Variants in ENPP6 observed in about 807,000 individuals in gnomAD.
ENPP6 encodes glycerophosphocholine cholinephosphodiesterase ENPP6.
ENPP6 carries 32 observed loss-of-function variants against 42.0 expected under a neutral mutation model. The ratio of observed to expected loss-of-function variants is 0.76; its 90% CI spans 0.58 to 1.02. ENPP6 has a LOEUF of 1.02. Among genes scored for constraint, ENPP6 ranks in the 50% least tolerant of loss-of-function variants. The pLI, the probability that ENPP6 is intolerant of heterozygous loss-of-function variation, is 0.00. For missense variants in ENPP6, 552 were observed against 566.8 expected (o/e 0.97, Z 0.27); for synonymous variants, 213 against 216.0 (o/e 0.99, Z 0.12).
At chr4:184,134,499 G>A (rs948904699) in intron 2 of ENPP6, among the ~76,000 whole-genome samples, 5 of 151,964 alleles carry the variant, frequency 3.3e-5, no homozygotes, top group African/African-American at 1.2e-4. Flanking sequence ...TGTTTCATGT[G>A]TGCTTTCAAA....
Position 184,153,723 on chromosome 4 carries a change from A to T in ENPP6, c.252T>A (p.Cys84Ter). The T allele has an allele frequency of 2.5e-6, 4 of 1,613,964 alleles. No individual in the cohort carries two copies. The highest frequency in any genetic ancestry group is 3.4e-6 in the Non-Finnish European group (4 of 1,179,928). The change falls in exon 2 of 8, where the codon TGT (cysteine) becomes TGA (stop). Residue 84 changes from cysteine to a stop codon, truncating the protein, a stop_gained. Coordinates refer to ENST00000296741, the MANE Select transcript of ENPP6 (RefSeq NM_153343.4). LOFTEE classifies it high-confidence loss of function. ...NYYTLMTGRH[C>*]EVHQMIGNYM... ...AGTTCCCGATCATCTGATGGACTTC[A>T]CAATGGCGGCCTATGTCAATGAGAA...
intron 2 of ENPP6, among the ~76,000 whole-genome samples, chr4:184,130,594 TAAA>T (rs1736587743): frequency 6.8e-6 from 1 of 148,126 alleles, no homozygotes; most frequent in African/African-American, 2.5e-5. Flanking sequence ...GCTTGGGTTT[TAAA>T]AATGACATTG....
rs116381461 is a variant in ENPP6 at position 184,130,121 on chromosome 4, T to C, written c.422-5849A>G. Among the ~76,000 whole-genome samples the C allele has an allele frequency of 8.7e-3, 1,324 of 152,292 alleles. 23 individuals carry two copies. Among genetic ancestry groups the C allele is most frequent in the African/African-American group, 0.03 (1,263 of 41,544 alleles). On this transcript the variant is annotated intron_variant, in intron 2 of 7. Transcript: ENST00000296741. ...TTGCTTCCTCATGAAAGACAAGGTGTGCTGCTGGCCAAGCTACTCTCTTCT... is the reference window on the plus strand; with the variant it reads ...TTGCTTCCTCATGAAAGACAAGGTGCGCTGCTGGCCAAGCTACTCTCTTCT...
chr4:184,151,042 C>G (rs779185748), intron 2 of ENPP6, among the ~76,000 whole-genome samples: 1 of 152,132 alleles, frequency 6.6e-6, no homozygotes, highest in Non-Finnish European at 1.5e-5. Flanking sequence ...TTGTATTCTC[C>G]AAGAGGAGCT....
rs1299278686 is a variant in ENPP6 at position 184,153,695 on chromosome 4, T to C, written c.280A>G (p.Met94Val). The C allele has an allele frequency of 6.8e-6, 11 of 1,614,082 alleles. No homozygotes were observed. The highest frequency in any genetic ancestry group is 9.3e-6 in the Non-Finnish European group (11 of 1,180,034). Residue 94 changes from methionine to valine, a missense_variant, in exon 2 of 8, where the codon ATG becomes GTG. Physicochemically the swap from Met to Val is conservative, Grantham distance 21. Around this residue, in one of 2 missense-constraint regions of ENPP6, gnomAD observed 545 missense variants for 546.3 expected, o/e 1.00. Transcript: ENST00000296741. ...CEVHQMIGNY[M>V]WDPTTNKSFD... Reference sequence around the variant, plus strand: ...GACTTGTTGGTGGTGGGGTCCCACATGTAGTTCCCGATCATCTGATGGACT... The same window carrying C: ...GACTTGTTGGTGGTGGGGTCCCACACGTAGTTCCCGATCATCTGATGGACT...
intron 2 of ENPP6, among the ~76,000 whole-genome samples, chr4:184,129,198 T>A (rs1736553578): frequency 6.6e-6 from 1 of 152,078 alleles, no homozygotes; most frequent in South Asian, 2.1e-4. Flanking sequence ...TCAGGAGGCA[T>A]GTAAGCGTTC....
chr4:184,100,327 C>A (rs1735976684), intron 6 of ENPP6, among the ~76,000 whole-genome samples: 1 of 152,204 alleles, frequency 6.6e-6, no homozygotes, highest in Non-Finnish European at 1.5e-5. Context: ...TTCTCAAGGG[C>A]ATACAGCTGA....
chr4:184,158,259 T>G (rs1394733898), intron 1 of ENPP6, among the ~76,000 whole-genome samples: 1 of 152,238 alleles, frequency 6.6e-6, no homozygotes, highest in East Asian at 1.9e-4. Context: ...ACAAGTAGCT[T>G]AGACTCTCTG....
At chr4:184,105,671 A>T (rs576607977) in intron 6 of ENPP6, among the ~76,000 whole-genome samples, 3 of 152,272 alleles carry the variant, frequency 2.0e-5, no homozygotes, top group African/African-American at 7.2e-5. Context: ...ATTGACCAAA[A>T]TTTTTTTTAA....
At position 184,117,532 on chromosome 4, in the gene ENPP6, C is replaced by A. The variant is rs551641389; in HGVS notation, c.675+227G>T. Among the ~76,000 whole-genome samples the A allele has an allele frequency of 3.3e-5, 5 of 152,308 alleles. No individual in the cohort carries two copies. In the South Asian group the frequency reaches 1.0e-3, roughly 32 times the overall value. ...TGGGTGTCTCTCCAGCTGAGCCAGG[C>A]GAGAAAGCACACCTAGGTCAGTCTC... On this transcript the variant is annotated intron_variant, in intron 4 of 7. Transcript: ENST00000296741.
intron 1 of ENPP6, among the ~76,000 whole-genome samples, chr4:184,174,337 G>T (rs774500235): frequency 9.3e-5 from 14 of 151,206 alleles, no homozygotes; most frequent in Admixed American, 1.3e-4. Context: ...GTTTTTTTTT[G>T]AAATAAGTGG....
chr4:184,136,288 C>T (rs1396719472), intron 2 of ENPP6, among the ~76,000 whole-genome samples: 1 of 151,952 alleles, frequency 6.6e-6, no homozygotes, highest in African/African-American at 2.4e-5. Context: ...CATTCAGACA[C>T]TTTAACTCTG....
intron 2 of ENPP6, among the ~76,000 whole-genome samples, chr4:184,131,086 T>A (rs1422524377): frequency 6.6e-6 from 1 of 152,220 alleles, no homozygotes; most frequent in Non-Finnish European, 1.5e-5. Flanking sequence ...CTTTATAAGA[T>A]AATGTCAAAG....
intron 1 of ENPP6, 110 bp from the exon 2 acceptor site, chr4:184,153,843 G>A (rs1737100761): frequency 1.6e-6 from 2 of 1,225,570 alleles, no homozygotes; most frequent in Admixed American, 6.0e-5. Flanking sequence ...GTACAGAACA[G>A]CATAAAGATT....
At chr4:184,147,074 C>G (rs932018096) in intron 2 of ENPP6, among the ~76,000 whole-genome samples, 3 of 152,194 alleles carry the variant, frequency 2.0e-5, no homozygotes, top group Admixed American at 2.0e-4. Flanking sequence ...AGAGCCAACT[C>G]CGAATTGATG....
intron 7 of ENPP6, among the ~76,000 whole-genome samples, chr4:184,092,840 C>G (rs781736546): frequency 2.6e-5 from 4 of 152,182 alleles, no homozygotes; most frequent in Non-Finnish European, 5.9e-5. Context: ...TAGAAATAAT[C>G]TTTGTAATTG....
At chr4:184,148,014 C>T (rs1736957327) in intron 2 of ENPP6, among the ~76,000 whole-genome samples, 1 of 152,142 alleles carries the variant, frequency 6.6e-6, no homozygotes, top group South Asian at 2.1e-4. Flanking sequence ...TCTAAGGACA[C>T]CTTTGTTAAC....
chr4:184,103,385 A>G (rs1736037398), intron 6 of ENPP6, among the ~76,000 whole-genome samples: 1 of 152,234 alleles, frequency 6.6e-6, no homozygotes, highest in African/African-American at 2.4e-5. Flanking sequence ...ATTAAAATAA[A>G]AGGTGAAACC....
chr4:184,206,405 G>A (rs34133055), intron 1 of ENPP6, among the ~76,000 whole-genome samples: 1 of 74,438 alleles, frequency 1.3e-5, no homozygotes, highest in Non-Finnish European at 2.8e-5. Flanking sequence ...CTACAGGCGG[G>A]CGCCACCAGG....
Sources: allele counts gnomAD v4.1 joint callset (sites outside exome capture counted in the v4.1 genomes callset), GRCh38; gene constraint gnomAD v4.1.1; regional missense constraint gnomAD v4.1.1; transcripts MANE v1.5; gene names NCBI Gene and HGNC (gene_info 2026-07-23, HGNC 2026-07-21).